The following USP6NL variants were observed in gnomAD, a reference collection of about 807,000 sequenced individuals.
USP6NL encodes the protein USP6 N-terminal-like protein.
USP6NL carries 26 observed loss-of-function variants against 61.9 expected under a neutral mutation model. That is an observed-to-expected ratio of 0.42 (90% CI 0.31 to 0.58). The LOEUF is 0.58. Among genes scored for constraint, USP6NL ranks in the 20% least tolerant of loss-of-function variants. The pLI is 0.16. For missense variants in USP6NL, 1,114 were observed against 1,034.3 expected, an observed-to-expected ratio of 1.08 and a Z score of -1.06; for synonymous variants, 432 against 390.1, an observed-to-expected ratio of 1.11 and a Z score of -1.27.
intron 6 of USP6NL, among the ~76,000 whole-genome samples, chr10:11,502,127 T>C (rs1294054704): frequency 6.6e-6 from 1 of 151,620 alleles, no homozygotes; most frequent in African/African-American, 2.4e-5. Context: ...GGCATGGTGG[T>C]GGGTGCCTGT....
At chr10:11,554,731 T>C (rs895270150) in intron 2 of USP6NL, among the ~76,000 whole-genome samples, 29 of 145,506 alleles carry the variant, frequency 2.0e-4, no homozygotes, top group African/African-American at 5.8e-4. Flanking sequence ...TTACAAGGCA[T>C]ATGAAGACAC....
At position 11,585,774 on chromosome 10, in the gene USP6NL, A is replaced by T. The variant is rs527383553; in HGVS notation, c.4+11857T>A. Among the ~76,000 whole-genome samples, 11 of 152,334 alleles carry T rather than the reference A, an allele frequency of 7.2e-5. No homozygotes were observed. In the South Asian group the frequency reaches 2.3e-3, roughly 32 times the overall value. On this transcript the variant is annotated intron_variant, in intron 2 of 14. Coordinates refer to ENST00000609104, the MANE Select transcript of USP6NL (RefSeq NM_014688.5). This position sits in a 1 kb window ranked among gnomAD's most constrained non-coding sequence, Gnocchi z 4.5. ...AAAATATGGTCTATATATACAAGGG[A>T]ATATTATTCAGCCTTAAAAAGGAAG... is the stretch of plus-strand genomic sequence containing the variant.
chr10:11,611,530 G>T lies in USP6NL; in HGVS notation c.-171C>A. ...GAGCAGATCCGGCGCGGCGCGGCGC[G>T]GCGGCGGCGGCGGCTACCGCAGTGC... On this transcript the variant is annotated 5_prime_UTR_variant, in exon 1 of 15. Transcript: ENST00000609104. The surrounding 1 kb of genome is among the most constrained non-coding windows in gnomAD (Gnocchi z 5.3). 1 of 158,912 alleles carries T rather than the reference G, an allele frequency of 6.3e-6. No homozygotes were observed. The highest frequency in any genetic ancestry group is 1.4e-5 in the Non-Finnish European group (1 of 73,118). The allele number at this position is 158,912 out of a possible 1,614,324, so 9.8% of individuals were successfully genotyped here.
In USP6NL at chr10:11,491,751, T is replaced by A. The variant is rs1025039291; in HGVS notation, c.495-871A>T. On this transcript the variant is annotated intron_variant, in intron 8 of 14. Transcript: ENST00000609104. The surrounding 1 kb of genome is among the most constrained non-coding windows in gnomAD (Gnocchi z 4.7). ...ATGAAAGTCAATGGAAAACTACCAA[T>A]TCAGGCAGAACTGCTAGGTTCAGAT... Among the ~76,000 whole-genome samples the A allele has an allele frequency of 6.6e-6, 1 of 152,172 alleles. No individual in the cohort carries two copies. Among genetic ancestry groups the A allele is most frequent in the Admixed American group, 6.5e-5 (1 of 15,274 alleles).
chr10:11,525,851 C>CT lies in USP6NL; in HGVS notation c.73-384dup, dbSNP rs1835391757. 6.6e-6 allele frequency among the ~76,000 whole-genome samples: 1 copy of CT among 152,156 alleles called. No homozygotes were observed. The highest frequency in any genetic ancestry group is 6.5e-5 in the Admixed American group (1 of 15,272). ...ACACGTCTCAGAGAAAGAGATTTTT[C>CT]TTTTTTGCCTTTTTATGCAAACTCC... is the stretch of plus-strand genomic sequence containing the variant. On this transcript the variant is annotated intron_variant, in intron 3 of 14. Coordinates refer to ENST00000609104, the MANE Select transcript of USP6NL (RefSeq NM_014688.5). The surrounding 1 kb of genome is among the most constrained non-coding windows in gnomAD (Gnocchi z 5.0).
chr10:11,546,037 C>T (rs1244622991), intron 2 of USP6NL, among the ~76,000 whole-genome samples: 3 of 152,188 alleles, frequency 2.0e-5, no homozygotes, highest in Non-Finnish European at 2.9e-5. Context: ...ATTTTTAATA[C>T]CATTGATCTG....
rs887688488 is a variant in USP6NL, at chr10:11,575,960, A to T, written c.4+21671T>A. 6.6e-6 allele frequency among the ~76,000 whole-genome samples: 1 copy of T among 152,200 alleles called. No individual in the cohort carries two copies. ...GAGGTGAAATTTGAATATAGTCTATAGATTCATCAGTTAATTTCCTAACTA... is the reference window on the plus strand; with the variant it reads ...GAGGTGAAATTTGAATATAGTCTATTGATTCATCAGTTAATTTCCTAACTA... On this transcript the variant is annotated intron_variant, in intron 2 of 14. Coordinates refer to ENST00000609104, the MANE Select transcript of USP6NL (RefSeq NM_014688.5). This position sits in a 1 kb window ranked among gnomAD's most constrained non-coding sequence, Gnocchi z 4.2.
chr10:11,493,226 T>C lies in USP6NL; in HGVS notation c.387A>G (p.Lys129=). The C allele has an allele frequency of 6.2e-7, 1 of 1,606,284 alleles. No individual in the cohort carries two copies. Among genetic ancestry groups the C allele is most frequent in the Non-Finnish European group, 8.5e-7 (1 of 1,175,698 alleles). The change falls in exon 8 of 15, where the codon AAA becomes AAG. Residue 129 remains lysine (K), a splice_region_variant and synonymous_variant. Transcript: ENST00000609104. The part of the protein sequence containing the change: ...MKEETRDLYS[K]LKHRARGCSP... ...AACAGCCCCGTGCTCTGTGTTTTAA[T>C]TTCTGAAGAGAGAAAGAGAGAACAG...
intron 14 of USP6NL, among the ~76,000 whole-genome samples, chr10:11,472,180 C>A (rs1445570811): frequency 6.6e-6 from 1 of 152,060 alleles, no homozygotes; most frequent in Non-Finnish European, 1.5e-5. Context: ...TAGAAAAAAG[C>A]AAAAATGTTT....
Position 11,462,679 on chromosome 10 carries a change from T to C in USP6NL, c.2249A>G (p.Gln750Arg), listed in dbSNP as rs755254670. 9.9e-6 allele frequency: 16 copies of C among 1,613,924 alleles called. No homozygotes were observed. The Admixed American group carries it at 2.7e-4, about 27-fold the overall frequency. Residue 750 changes from glutamine (Q) to arginine (R), a missense_variant, in exon 15 of 15, where the codon CAA (glutamine) becomes CGA (arginine). By Grantham distance (43) the Gln-to-Arg change is conservative. Transcript: ENST00000609104. ...ACGGCTAGCATCTCGGGTCCATGATTGTCCCTGCGTCTCAGGTCTGTATGT... is the reference window on the plus strand; with the variant it reads ...ACGGCTAGCATCTCGGGTCCATGATCGTCCCTGCGTCTCAGGTCTGTATGT... ...SYTYRPETQG[Q>R]SWTRDASRGN...
intron 7 of USP6NL, among the ~76,000 whole-genome samples, chr10:11,500,124 A>C (rs916165464): frequency 6.6e-6 from 1 of 152,192 alleles, no homozygotes; most frequent in Non-Finnish European, 1.5e-5. Flanking sequence ...TAATGAGACT[A>C]TACGGGCACA....
chr10:11,588,885 TA>T (rs1393006707), intron 2 of USP6NL, among the ~76,000 whole-genome samples: 1 of 152,232 alleles, frequency 6.6e-6, no homozygotes, highest in Admixed American at 6.5e-5. Flanking sequence ...TCAGTTTGGA[TA>T]TCCAGATAGT....
chr10:11,534,144 T>A (rs1555168936), intron 2 of USP6NL, among the ~76,000 whole-genome samples: 1 of 152,140 alleles, frequency 6.6e-6, no homozygotes, highest in Non-Finnish European at 1.5e-5. Flanking sequence ...TCCTGTTATG[T>A]TGGTTTAGCC....
chr10:11,490,206 T>C lies in USP6NL; in HGVS notation c.543+626A>G, dbSNP rs1322408860. Among the ~76,000 whole-genome samples the C allele has an allele frequency of 6.6e-6, 1 of 152,236 alleles. No individual in the cohort carries two copies. Among genetic ancestry groups the C allele is most frequent in the East Asian group, 1.9e-4 (1 of 5,198 alleles). On this transcript the variant is annotated intron_variant, in intron 9 of 14. Coordinates refer to ENST00000609104, the MANE Select transcript of USP6NL (RefSeq NM_014688.5). This position sits in a 1 kb window ranked among gnomAD's most constrained non-coding sequence, Gnocchi z 4.5. The stretch of plus-strand genomic sequence containing the variant: ...AAGGTTTTAACTACAATAGAAATTA[T>C]ACATCCCAAGGTTCAAAGGTCCTCC...
rs1838888623 is a variant in USP6NL at position 11,611,348 on chromosome 10, C to T, written c.-84+95G>A. 1 of 152,154 alleles carries T rather than the reference C, an allele frequency of 6.6e-6. No homozygotes were observed. Among genetic ancestry groups the T allele is most frequent in the African/African-American group, 2.4e-5 (1 of 41,514 alleles). The allele number at this position is 152,154 out of a possible 1,614,324, so 9.4% of individuals were successfully genotyped here. ...GGGCCGGGAATGGCGGCGTCCGGCTCCCCGGGGCCAACTCCGAGTCCCGGC... is the reference window on the plus strand; with the variant it reads ...GGGCCGGGAATGGCGGCGTCCGGCTTCCCGGGGCCAACTCCGAGTCCCGGC... On this transcript the variant is annotated intron_variant, in intron 1 of 14. Transcript: ENST00000609104. The surrounding 1 kb of genome is among the most constrained non-coding windows in gnomAD (Gnocchi z 5.3).
chr10:11,532,291 G>A lies in USP6NL; in HGVS notation c.5-4724C>T. 1.4e-6 allele frequency: 2 copies of A among 1,465,876 alleles called. No homozygotes were observed. Among genetic ancestry groups the A allele is most frequent in the Non-Finnish European group, 1.8e-6 (2 of 1,084,462 alleles). 90.8% of individuals were successfully genotyped at this position (1,465,876 alleles called of 1,614,324 possible). The stretch of plus-strand genomic sequence containing the variant: ...ATTTTATAGTTCTCGAACACACCAA[G>A]AGTGCTGCCCGGCGGTACCTCACAC... On this transcript the variant is annotated intron_variant, in intron 2 of 14. Coordinates refer to ENST00000609104, the MANE Select transcript of USP6NL (RefSeq NM_014688.5). The surrounding 1 kb of genome is among the most constrained non-coding windows in gnomAD (Gnocchi z 4.1).
intron 2 of USP6NL, among the ~76,000 whole-genome samples, chr10:11,557,401 G>A (rs939699975): frequency 1.1e-4 from 17 of 152,252 alleles, no homozygotes; most frequent in Middle Eastern, 3.4e-3. Flanking sequence ...GCCTTTTTAC[G>A]ATAAAACCAC....
chr10:11,601,597 G>A (rs1408704813), intron 1 of USP6NL, among the ~76,000 whole-genome samples: 3 of 152,118 alleles, frequency 2.0e-5, no homozygotes, highest in African/African-American at 7.2e-5. Context: ...AATGCAGAAA[G>A]GAAATTATAA....
intron 1 of USP6NL, among the ~76,000 whole-genome samples, chr10:11,603,628 G>A (rs1456153628): frequency 2.0e-5 from 3 of 152,052 alleles, no homozygotes; most frequent in African/African-American, 7.2e-5. Flanking sequence ...ATATCTAATT[G>A]GATTCTAAAT....
Sources: gnomAD v4.1 joint callset for allele counts (sites outside exome capture counted in the v4.1 genomes callset) on GRCh38, gnomAD v4.1.1 for gene constraint, Gnocchi (gnomAD v3.1) non-coding constraint, MANE v1.5 for transcripts, NCBI Gene and HGNC (gene_info 2026-07-23, HGNC 2026-07-21) for gene names.